AXDND1: variants seen among roughly 807,000 people sequenced by gnomAD.
AXDND1 encodes the protein axonemal dynein light chain domain-containing protein 1.
Under a neutral mutation model 137.5 loss-of-function variants are expected in AXDND1, and 110 were observed. That is an observed-to-expected ratio of 0.80 (90% CI 0.69 to 0.94). AXDND1 has a LOEUF of 0.94. AXDND1 is among the 40% of genes least tolerant of loss of function. The probability of loss-of-function intolerance (pLI) is 0.00; values close to 1 mark genes in which losing one functional copy is unlikely to be tolerated. For synonymous variants in AXDND1, 414 were observed against 399.7 expected, an observed-to-expected ratio of 1.04 and a Z score of -0.43; for missense variants, 1,191 against 1,169.8, an observed-to-expected ratio of 1.02 and a Z score of -0.26.
At chr1:179,488,014 A>AAAAAAAAAAAG (rs1320560418) in intron 18 of AXDND1, among the ~76,000 whole-genome samples, 1 of 130,224 alleles carries the variant, frequency 7.7e-6, no homozygotes, top group Non-Finnish European at 1.6e-5. Context: ...AAAAAAAAAA[A>AAAAAAAAAAAG]AGAGAAATTT....
chr1:179,383,464 G>C lies in AXDND1; in HGVS notation c.661G>C (p.Val221Leu). ...TAGGAAACCTAATAAAAGAGTAGAA[G>C]TGGCCCAGCTGAATGATGTGATGGA... ...PSMKPNKRVE[V>L]AQLNDVMDTM... The change falls in exon 8 of 26, where the codon GTG (valine) becomes CTG (leucine). Residue 221 changes from valine (V) to leucine (L), a missense_variant. Val to Leu is a conservative substitution (Grantham distance 32). Transcript: ENST00000367618. 1 of 1,613,918 alleles carries C rather than the reference G, an allele frequency of 6.2e-7. No individual in the cohort carries two copies.
intron 4 of AXDND1, among the ~76,000 whole-genome samples, chr1:179,372,016 G>C (rs557963100): frequency 4.5e-4 from 68 of 152,254 alleles, no homozygotes; most frequent in African/African-American, 1.5e-3. Context: ...GACCCTGTTG[G>C]ACTTCTGACC....
intron 15 of AXDND1, among the ~76,000 whole-genome samples, chr1:179,437,991 C>A (rs4396078): frequency 0.77 from 116,177 of 151,368 alleles, 44,854 homozygotes; most frequent in South Asian, 0.83. Flanking sequence ...GTCTCTACTA[C>A]AAATACAAAA....
chr1:179,395,047 C>A, intron 10 of AXDND1, 51 bp from the exon 11 acceptor site: 1 of 1,510,506 alleles, frequency 6.6e-7, no homozygotes, highest in Non-Finnish European at 9.0e-7. Flanking sequence ...TTGGTAGAAA[C>A]TTTTTGGAAA....
intron 25 of AXDND1, chr1:179,545,250 G>A (rs1048194890): frequency 3.3e-5 from 5 of 152,086 alleles, no homozygotes; most frequent in Admixed American, 2.6e-4. Context: ...CACATATTTG[G>A]TGTTTCTTTG....
At chr1:179,479,358 C>T (rs890756008) in intron 17 of AXDND1, among the ~76,000 whole-genome samples, 1 of 151,774 alleles carries the variant, frequency 6.6e-6, no homozygotes, top group African/African-American at 2.4e-5. Context: ...GCCTGTAATC[C>T]CAGCTACTTG....
chr1:179,456,356 C>A (rs988428748), intron 16 of AXDND1: 5 of 774,376 alleles, frequency 6.5e-6, no homozygotes, highest in South Asian at 4.0e-5. Flanking sequence ...TTCCTCCCTT[C>A]GTGGGTCCAA....
At chr1:179,507,651 G>A (rs1160785603) in intron 20 of AXDND1, among the ~76,000 whole-genome samples, 2 of 152,042 alleles carry the variant, frequency 1.3e-5, no homozygotes, top group African/African-American at 2.4e-5. Context: ...TGGTGAGAGT[G>A]TTTTCACCAT....
At chr1:179,472,004 C>T (rs1664000772) in intron 17 of AXDND1, among the ~76,000 whole-genome samples, 1 of 152,032 alleles carries the variant, frequency 6.6e-6, no homozygotes, top group Admixed American at 6.6e-5. Flanking sequence ...AAGCAATTCT[C>T]CTGCCTCAGC....
At chr1:179,436,811 TAACA>T (rs1355753709) in intron 15 of AXDND1, among the ~76,000 whole-genome samples, 1 of 151,846 alleles carries the variant, frequency 6.6e-6, no homozygotes, top group East Asian at 1.9e-4. Flanking sequence ...TATACCTGTG[TAACA>T]AACCTGCACA....
intron 21 of AXDND1, among the ~76,000 whole-genome samples, chr1:179,509,806 A>G (rs1265291401): frequency 1.3e-5 from 2 of 149,704 alleles, no homozygotes; most frequent in East Asian, 4.0e-4. Flanking sequence ...TGCCTCTTTA[A>G]TATCTTCTCT....
At chr1:179,467,536 T>C (rs1663374073) in intron 16 of AXDND1, among the ~76,000 whole-genome samples, 1 of 152,232 alleles carries the variant, frequency 6.6e-6, no homozygotes. Context: ...GTGCATAGGT[T>C]ATATGCAAAT....
chr1:179,509,591 C>A (rs1208071987), intron 21 of AXDND1, among the ~76,000 whole-genome samples, 188 bp downstream of exon 21: 1 of 152,140 alleles, frequency 6.6e-6, no homozygotes, highest in South Asian at 2.1e-4. Flanking sequence ...ATCCACTCAG[C>A]ATTTTGCGTC....
chr1:179,409,945 G>A (rs1653605053), intron 11 of AXDND1, among the ~76,000 whole-genome samples: 1 of 151,892 alleles, frequency 6.6e-6, no homozygotes, highest in South Asian at 2.1e-4. Flanking sequence ...CATTGAGATT[G>A]TTTCTGGATT....
At chr1:179,492,770 A>T (rs1363292931) in intron 19 of AXDND1, 85 bp from the exon 20 acceptor site, 12 of 856,224 alleles carry the variant, frequency 1.4e-5, no homozygotes, top group African/African-American at 6.9e-5. Context: ...AATTTTAAAC[A>T]CTTAGAAGAA....
intron 18 of AXDND1, among the ~76,000 whole-genome samples, chr1:179,485,595 A>G (rs1370567736): frequency 6.6e-6 from 1 of 152,220 alleles, no homozygotes; most frequent in Non-Finnish European, 1.5e-5. Context: ...AAGATTAGAA[A>G]GAGCCAGCAC....
intron 4 of AXDND1, among the ~76,000 whole-genome samples, chr1:179,374,010 CA>C (rs947479411): frequency 5.3e-5 from 8 of 150,798 alleles, no homozygotes; most frequent in Non-Finnish European, 8.9e-5. Context: ...TTCTGCACAG[CA>C]AAAAAAAATT....
intron 4 of AXDND1, among the ~76,000 whole-genome samples, chr1:179,376,513 A>G (rs1285779272): frequency 6.6e-6 from 1 of 152,176 alleles, no homozygotes; most frequent in Non-Finnish European, 1.5e-5. Flanking sequence ...CGAAGTCACC[A>G]TGTGCTGTTG....
chr1:179,487,023 C>T (rs1666161036), intron 18 of AXDND1, among the ~76,000 whole-genome samples: 1 of 148,482 alleles, frequency 6.7e-6, no homozygotes, highest in Admixed American at 6.6e-5. Flanking sequence ...CACAGAGTGG[C>T]AAGTTGGATA....
Sources: allele counts gnomAD v4.1 joint callset (sites outside exome capture counted in the v4.1 genomes callset), GRCh38; gene constraint gnomAD v4.1.1; transcripts MANE v1.5; gene names NCBI Gene and HGNC (gene_info 2026-07-23, HGNC 2026-07-21).